The following CLEC12A variants were observed in gnomAD, a reference collection of about 807,000 sequenced individuals.
CLEC12A encodes C-type lectin domain family 12 member A.
A neutral mutation model predicts 26.5 loss-of-function variants in CLEC12A; 22 were observed. That is an observed-to-expected ratio of 0.83 (90% confidence interval 0.59 to 1.19). CLEC12A has a LOEUF of 1.19. CLEC12A is among the 50% of genes most tolerant of loss of function. CLEC12A has a pLI of 0.00. For missense variants in CLEC12A, 353 were observed against 315.6 expected, an observed-to-expected ratio of 1.12 and a Z score of -0.90; for synonymous variants, 119 against 101.9, an observed-to-expected ratio of 1.17 and a Z score of -1.01.
intron 1 of CLEC12A, among the ~76,000 whole-genome samples, chr12:9,978,639 A>G (rs1310031672): frequency 6.6e-6 from 1 of 152,182 alleles, no homozygotes; most frequent in African/African-American, 2.4e-5. Context: ...GTACAAACAA[A>G]ATACACTATA....
Position 9,980,638 on chromosome 12 carries a change from T to G in CLEC12A, c.436T>G (p.Phe146Val). Residue 146 changes from phenylalanine (F) to valine (V), a missense_variant, in exon 4 of 6, where the codon TTC becomes GTC. By Grantham distance (50) the Phe-to-Val change is conservative (BLOSUM62 -1). Transcript: ENST00000304361. ...RWIWHKDSCY[F>V]LSDDVQTWQE... is the part of the protein sequence containing the mutation. The stretch of plus-strand genomic sequence containing the variant: ...GATTTGGCATAAGGACAGCTGTTAT[T>G]TCCTAAGTGATGATGTCCAAACATG... The G allele has an allele frequency of 6.2e-7, 1 of 1,613,916 alleles. No homozygotes were observed. The highest frequency in any genetic ancestry group is 8.5e-7 in the Non-Finnish European group (1 of 1,179,860).
downstream of CLEC12A, chr12:9,985,602 AGACT>A (rs1864746794): frequency 2.5e-6 from 1 of 397,418 alleles, no homozygotes. Context: ...GCAAGTTACG[AGACT>A]GACTTATTTT....
upstream of CLEC12A, among the ~76,000 whole-genome samples, chr12:9,970,685 T>TG (rs34879122): frequency 0.56 from 84,400 of 151,630 alleles, 23,794 homozygotes; most frequent in South Asian, 0.72. Context: ...GGAGATCAAA[T>TG]GGTTGAGTCA....
At chr12:9,962,975 G>T (rs1863863522) in intron 1 of CLEC12A, among the ~76,000 whole-genome samples, 1 of 152,206 alleles carries the variant, frequency 6.6e-6, no homozygotes. Flanking sequence ...AGCGGGATTA[G>T]GGGCGATGTG....
At chr12:9,955,949 A>G (rs185699525) in intron 1 of CLEC12A, among the ~76,000 whole-genome samples, 36 of 152,312 alleles carry the variant, frequency 2.4e-4, no homozygotes, top group African/African-American at 8.7e-4. Context: ...TCAGCATCAG[A>G]CCATGACAGC....
At chr12:9,951,538 T>G in intron 1 of CLEC12A, 1 of 597,004 alleles carries the variant, frequency 1.7e-6, no homozygotes, top group South Asian at 2.0e-5. Context: ...GATAAGTGAG[T>G]GTCATTTGTG....
chr12:9,972,584 G>A (rs1275422491), intron 1 of CLEC12A, among the ~76,000 whole-genome samples: 3 of 152,104 alleles, frequency 2.0e-5, no homozygotes, highest in Non-Finnish European at 4.4e-5. Flanking sequence ...GAAAAATAAG[G>A]AGAGAAGAGT....
rs769873308 is a variant in CLEC12A, at chr12:9,951,357, G to A, written c.10+1G>A. ...AAATTTGACTTCTGCATGTGGATAG[G>A]TGAGTGTCTTTTGTGGATACCGACA... is the stretch of plus-strand genomic sequence containing the variant. On this transcript the variant is annotated splice_donor_variant, in intron 1 of 6. Coordinates refer to the CLEC12A transcript ENST00000355690. LOFTEE classifies it high-confidence loss of function. 2.6e-5 allele frequency: 18 copies of A among 702,868 alleles called. No individual in the cohort carries two copies. Among genetic ancestry groups the A allele is most frequent in the Non-Finnish European group, 4.7e-5 (18 of 384,978 alleles). The allele number at this position is 702,868 out of a possible 1,614,324, so 43.5% of individuals were successfully genotyped here. A position where few individuals can be genotyped will look rare whatever the true frequency, so the allele number is the denominator to read the frequency against.
chr12:9,970,712 C>A (rs1864095852), upstream of CLEC12A, among the ~76,000 whole-genome samples: 2 of 152,062 alleles, frequency 1.3e-5, no homozygotes, highest in Non-Finnish European at 2.9e-5. Flanking sequence ...AGAGAGATAG[C>A]AAGGCTGATT....
chr12:9,999,933 A>T (rs1865136196), downstream of CLEC12A, among the ~76,000 whole-genome samples: 2 of 152,208 alleles, frequency 1.3e-5, 1 homozygote, highest in South Asian at 4.1e-4. Context: ...TCACAATATA[A>T]TATGTATTGC....
At chr12:9,983,806 G>C (rs1864656580) in intron 5 of CLEC12A, 1 of 344,098 alleles carries the variant, frequency 2.9e-6, no homozygotes, top group Non-Finnish European at 5.4e-6. Context: ...AAGAAAAGGT[G>C]GCCCTACCTC....
chr12:9,967,333 GC>G (rs1863985750), upstream of CLEC12A, among the ~76,000 whole-genome samples: 1 of 152,098 alleles, frequency 6.6e-6, no homozygotes, highest in African/African-American at 2.4e-5. Flanking sequence ...CAGACCGTTT[GC>G]CTATTTTACA....
At chr12:10,004,876 A>G in the CLEC12A span, among the ~76,000 whole-genome samples, 4 of 151,680 alleles carry the variant, frequency 2.6e-5, no homozygotes, top group African/African-American at 9.7e-5. Context: ...TTAACTTGTC[A>G]TTTACATTAG....
chr12:9,991,989 C>T (rs979002655), intron 4 of CLEC12A: 2 of 152,086 alleles, frequency 1.3e-5, no homozygotes, highest in Non-Finnish European at 2.9e-5. Flanking sequence ...GTAACATCAG[C>T]ATTTGAGTTT....
intron 1 of CLEC12A, among the ~76,000 whole-genome samples, chr12:9,976,477 C>T (rs1016569970): frequency 5.3e-5 from 8 of 152,168 alleles, no homozygotes; most frequent in African/African-American, 1.9e-4. Context: ...TTTGTTTTGG[C>T]CAATTTCTCC....
intron 1 of CLEC12A, among the ~76,000 whole-genome samples, chr12:9,958,119 G>C (rs564512362): frequency 3.9e-5 from 6 of 152,298 alleles, no homozygotes; most frequent in Non-Finnish European, 7.4e-5. Context: ...TGAAACTAGA[G>C]GGTATAATGT....
chr12:9,952,481 A>G (rs886960542), intron 1 of CLEC12A: 1 of 151,456 alleles, frequency 6.6e-6, no homozygotes, highest in African/African-American at 2.6e-5. Flanking sequence ...TCAGTGCTCA[A>G]TGGTGCCCAG....
exon 5 of CLEC12A, chr12:9,995,440 A>G: frequency 1.8e-6 from 1 of 553,786 alleles, no homozygotes; most frequent in Non-Finnish European, 3.3e-6. Flanking sequence ...CTTATAGGAC[A>G]CAGGTAAAAT....
At chr12:9,952,790 C>G (rs1264144788) in intron 1 of CLEC12A, 1 of 106,082 alleles carries the variant, frequency 9.4e-6, no homozygotes, top group Non-Finnish European at 2.0e-5. Flanking sequence ...GCCCGGCCGC[C>G]CATCGTCTGA....
Sources: allele counts gnomAD v4.1 joint callset (sites outside exome capture counted in the v4.1 genomes callset), GRCh38; gene constraint gnomAD v4.1.1; transcripts MANE v1.5; gene names NCBI Gene and HGNC (gene_info 2026-07-23, HGNC 2026-07-21).